The following LEKR1 variants were observed in gnomAD, a reference collection of about 807,000 sequenced individuals.
LEKR1 encodes the protein leucine, glutamate and lysine rich 1, also known as protein LEKR1.
In LEKR1, 59 loss-of-function variants were observed where a neutral mutation model predicts 72.4. That is an observed-to-expected ratio of 0.82 (90% CI 0.66 to 1.01). LEKR1 has a LOEUF of 1.01. Ranked by LOEUF, LEKR1 falls within the 50% of genes least tolerant of loss-of-function variation. The pLI, the probability that LEKR1 is intolerant of heterozygous loss-of-function variation, is 0.00. For missense variants in LEKR1, 728 were observed against 759.2 expected (o/e 0.96, Z 0.48); for synonymous variants, 257 against 263.2 (o/e 0.98, Z 0.23).
intron 12 of LEKR1, 39 bp downstream of exon 12, chr3:157,028,441 G>A (rs762424600): frequency 1.3e-6 from 2 of 1,495,620 alleles, no homozygotes; most frequent in Non-Finnish European, 1.8e-6. Context: ...ATTAATCAAA[G>A]AGCACATGTT....
At chr3:157,028,491 T>C (rs1734370305) in intron 12 of LEKR1, 89 bp downstream of exon 12, 3 of 1,143,330 alleles carry the variant, frequency 2.6e-6, no homozygotes, top group Admixed American at 5.2e-5. Context: ...GCAGCTTAGT[T>C]TCATGGAAAG....
intron 3 of LEKR1, among the ~76,000 whole-genome samples, chr3:156,909,103 C>T (rs552369154): frequency 1.7e-4 from 26 of 152,206 alleles, no homozygotes; most frequent in South Asian, 8.3e-4. Context: ...CTCTCGTTGC[C>T]GGCCACCATG....
At chr3:156,977,160 C>T (rs142642810) in intron 6 of LEKR1, among the ~76,000 whole-genome samples, 91 of 152,278 alleles carry the variant, frequency 6.0e-4, no homozygotes, top group African/African-American at 2.2e-3. Context: ...TTTGGCGTGC[C>T]ACTCTCCATG....
At chr3:156,977,183 G>A (rs1230866572) in intron 6 of LEKR1, among the ~76,000 whole-genome samples, 2 of 152,194 alleles carry the variant, frequency 1.3e-5, no homozygotes, top group African/African-American at 2.4e-5. Context: ...ACCGGTGATG[G>A]CAGCTGCCTT....
intron 3 of LEKR1, among the ~76,000 whole-genome samples, chr3:156,862,227 T>C (rs1576683841): frequency 6.6e-6 from 1 of 152,074 alleles, no homozygotes; most frequent in African/African-American, 2.4e-5. Context: ...GCATTCTTTT[T>C]CTCCCAAAGC....
At chr3:156,919,533 C>A (rs1723993480) in intron 3 of LEKR1, among the ~76,000 whole-genome samples, 1 of 152,090 alleles carries the variant, frequency 6.6e-6, no homozygotes, top group South Asian at 2.1e-4. Flanking sequence ...CAGGAAATTT[C>A]TAGTATTTCC....
At position 156,899,541 on chromosome 3, in the gene LEKR1, CAT is replaced by C. The variant is rs879269417; in HGVS notation, c.264-21028_264-21027del. 3.7e-3 allele frequency among the ~76,000 whole-genome samples: 491 copies of C among 134,492 alleles called. 10 individuals carry two copies. The highest frequency in any genetic ancestry group is 4.8e-3 in the African/African-American group (172 of 36,100). 88.2% of individuals were successfully genotyped at this position (134,492 alleles called of 152,430 possible). A position where few individuals can be genotyped will look rare whatever the true frequency, so the allele number is the denominator to read the frequency against. Reference sequence around the variant, plus strand: ...ATACATACATATATACACATATATACATATATACACATATATACATATACATG... The same window carrying C: ...ATACATACATATATACACATATATACATATACACATATATACATATACATG... On this transcript the variant is annotated intron_variant, in intron 3 of 12. Coordinates refer to ENST00000356539, the MANE Select transcript of LEKR1 (RefSeq NM_001004316.3).
intron 3 of LEKR1, among the ~76,000 whole-genome samples, chr3:156,884,556 C>G (rs1447939354): frequency 6.6e-6 from 1 of 152,182 alleles, no homozygotes; most frequent in African/African-American, 2.4e-5. Flanking sequence ...TTTCCTGACA[C>G]AAAGTTCTTG....
intron 7 of LEKR1, among the ~76,000 whole-genome samples, chr3:156,987,909 A>G (rs1014526602): frequency 3.3e-5 from 5 of 152,236 alleles, no homozygotes; most frequent in African/African-American, 1.2e-4. Context: ...AAAACAACGA[A>G]TTGTTGAACC....
intron 3 of LEKR1, among the ~76,000 whole-genome samples, chr3:156,880,175 A>T (rs190879419): frequency 2.8e-4 from 42 of 152,348 alleles, no homozygotes; most frequent in Admixed American, 3.3e-4. Context: ...AAAGCAGCAA[A>T]GAGTGGGGCT....
intron 2 of LEKR1, among the ~76,000 whole-genome samples, chr3:156,839,657 T>G (rs572430758): frequency 1.4e-4 from 22 of 152,296 alleles, no homozygotes; most frequent in African/African-American, 5.3e-4. Flanking sequence ...GATTTTTTTT[T>G]CTGAATCAGT....
chr3:156,860,976 T>C (rs990469756), intron 3 of LEKR1, among the ~76,000 whole-genome samples: 1 of 152,182 alleles, frequency 6.6e-6, no homozygotes. Flanking sequence ...GAAATGCTTA[T>C]ATTAGGAGAT....
At chr3:156,934,101 A>G (rs114928609) in intron 5 of LEKR1, among the ~76,000 whole-genome samples, 189 of 152,316 alleles carry the variant, frequency 1.2e-3, no homozygotes, top group Non-Finnish European at 2.2e-3. Flanking sequence ...GTCTTCCTTT[A>G]TAGTCCTTGT....
intron 7 of LEKR1, among the ~76,000 whole-genome samples, chr3:156,980,553 A>G (rs572827546): frequency 7.4e-6 from 1 of 135,116 alleles, no homozygotes; most frequent in Admixed American, 7.2e-5. Flanking sequence ...AAAAGAAACA[A>G]GGTGATGGTT....
At chr3:156,849,931 T>G (rs1414492602) in intron 2 of LEKR1, among the ~76,000 whole-genome samples, 1 of 152,184 alleles carries the variant, frequency 6.6e-6, no homozygotes, top group East Asian at 1.9e-4. Flanking sequence ...ACTAAAGATC[T>G]TCTGCACAGC....
intron 3 of LEKR1, among the ~76,000 whole-genome samples, chr3:156,886,808 C>T (rs1024980234): frequency 1.3e-5 from 2 of 152,196 alleles, no homozygotes; most frequent in East Asian, 3.8e-4. Context: ...TTTGTCGCAG[C>T]GTGCTGCTTC....
intron 5 of LEKR1, among the ~76,000 whole-genome samples, chr3:156,932,443 A>G (rs889713503): frequency 4.6e-5 from 7 of 152,178 alleles, no homozygotes; most frequent in Non-Finnish European, 1.0e-4. Flanking sequence ...ATATTAGGCC[A>G]TGTGTGGTGG....
At chr3:156,957,530 C>G (rs1727756017) in intron 6 of LEKR1, among the ~76,000 whole-genome samples, 1 of 150,920 alleles carries the variant, frequency 6.6e-6, no homozygotes, top group South Asian at 2.1e-4. Flanking sequence ...CTACCTCCTA[C>G]AGTGAAAAAA....
intron 2 of LEKR1, among the ~76,000 whole-genome samples, chr3:156,839,481 T>C (rs554928237): frequency 1.3e-5 from 2 of 152,304 alleles, no homozygotes; most frequent in South Asian, 2.1e-4. Context: ...ACGTTGTGCA[T>C]GACTTCAAAG....
Sources: gnomAD v4.1 joint callset for allele counts (sites outside exome capture counted in the v4.1 genomes callset) on GRCh38, gnomAD v4.1.1 for gene constraint, MANE v1.5 for transcripts, NCBI Gene and HGNC (gene_info 2026-07-23, HGNC 2026-07-21) for gene names.